The following DAAM1 variants were observed in gnomAD, a reference collection of about 807,000 sequenced individuals.
The protein encoded by DAAM1 is dishevelled associated activator of morphogenesis 1.
DAAM1 carries 52 observed loss-of-function variants against 130.0 expected under a neutral mutation model. The ratio of observed to expected loss-of-function variants is 0.40; its 90% CI spans 0.32 to 0.50. The LOEUF is 0.50. Ranked by LOEUF, DAAM1 falls within the 20% of genes least tolerant of loss-of-function variation. The pLI, the probability that DAAM1 is intolerant of heterozygous loss-of-function variation, is 0.61. For synonymous variants in DAAM1, 452 were observed against 444.5 expected (o/e 1.02, Z -0.21); for missense variants, 1,134 against 1,303.8 (o/e 0.87, Z 2.01).
intron 3 of DAAM1, among the ~76,000 whole-genome samples, chr14:59,303,520 T>C (rs1884259581): frequency 2.0e-5 from 3 of 152,120 alleles, no homozygotes; most frequent in Admixed American, 2.0e-4. Flanking sequence ...GGCATAAAGG[T>C]TTATTTTGAT....
chr14:59,269,881 A>G lies in DAAM1; in HGVS notation c.183+6221A>G, dbSNP rs553231038. 5.3e-5 allele frequency among the ~76,000 whole-genome samples: 8 copies of G among 152,230 alleles called. No individual in the cohort carries two copies. In the South Asian group the frequency reaches 1.7e-3, roughly 32 times the overall value. ...GAAAGAAGTTCAGTTTAGATGACGC[A>G]TAAAAAAACAGGAAGCTAGAGGGAT... On this transcript the variant is annotated intron_variant, in intron 2 of 24. Transcript: ENST00000360909.
intron 1 of DAAM1, among the ~76,000 whole-genome samples, chr14:59,223,507 C>T (rs912368895): frequency 6.6e-6 from 1 of 152,118 alleles, no homozygotes; most frequent in Admixed American, 6.5e-5. Context: ...TAAATGGCAT[C>T]TATGTCTGCC....
At chr14:59,314,585 G>A (rs1884715150) in intron 3 of DAAM1, among the ~76,000 whole-genome samples, 2 of 151,920 alleles carry the variant, frequency 1.3e-5, no homozygotes, top group South Asian at 4.1e-4. Flanking sequence ...TGCTCTGTAA[G>A]AGGCAAGGCT....
At chr14:59,285,801 T>C (rs1280483487) in intron 2 of DAAM1, among the ~76,000 whole-genome samples, 1 of 152,086 alleles carries the variant, frequency 6.6e-6, no homozygotes, top group African/African-American at 2.4e-5. Flanking sequence ...ACAAGAGATT[T>C]AGAGAACCAA....
At chr14:59,289,186 AT>A (rs1372380923) in intron 2 of DAAM1, among the ~76,000 whole-genome samples, 1 of 152,060 alleles carries the variant, frequency 6.6e-6, no homozygotes, top group Non-Finnish European at 1.5e-5. Flanking sequence ...AAGTGCTGGG[AT>A]TACAGGCATG....
rs1463951667 is a variant in DAAM1 at position 59,258,448 on chromosome 14, A to G, written c.-37-4993A>G. On this transcript the variant is annotated intron_variant, in intron 1 of 24. Coordinates refer to ENST00000360909, the MANE Select transcript of DAAM1 (RefSeq NM_001270520.2). ...CCTCCTTCCATCTTAAGTCTCACCT[A>G]TGAAATGGGGGTGATGAAATGAAGT... is the stretch of plus-strand genomic sequence containing the variant. Among the ~76,000 whole-genome samples, 7 of 152,182 alleles carry G rather than the reference A, an allele frequency of 4.6e-5. No individual in the cohort carries two copies. The East Asian group carries it at 1.3e-3, about 29-fold the overall frequency.
intron 15 of DAAM1, among the ~76,000 whole-genome samples, chr14:59,333,679 T>C (rs1268893516): frequency 1.3e-5 from 2 of 152,184 alleles, no homozygotes; most frequent in Non-Finnish European, 2.9e-5. Context: ...TTTGAGAACG[T>C]AGAGAAGTAA....
chr14:59,352,023 C>A (rs1374958348), intron 17 of DAAM1, among the ~76,000 whole-genome samples: 1 of 151,970 alleles, frequency 6.6e-6, no homozygotes, highest in East Asian at 1.9e-4. Flanking sequence ...ATTAGATAAA[C>A]CAGAAAAATA....
In DAAM1 at chr14:59,190,080, C is replaced by A. The variant is rs141599613; in HGVS notation, c.-38+1312C>A. Reference sequence around the variant, plus strand: ...ATCTTAGCCGCTGCCACTGCTGTTTCGATTCGATGTGGCTCTGCGGGCAGC... The same window carrying A: ...ATCTTAGCCGCTGCCACTGCTGTTTAGATTCGATGTGGCTCTGCGGGCAGC... On this transcript the variant is annotated intron_variant, in intron 1 of 24. Transcript: ENST00000360909. Among the ~76,000 whole-genome samples, 413 of 152,238 alleles carry A rather than the reference C, an allele frequency of 2.7e-3. 2 individuals carry two copies. The highest frequency in any genetic ancestry group is 9.5e-3 in the African/African-American group (394 of 41,564).
chr14:59,295,541 A>G (rs1883923746), intron 3 of DAAM1, among the ~76,000 whole-genome samples: 2 of 152,176 alleles, frequency 1.3e-5, no homozygotes, highest in African/African-American at 2.4e-5. Context: ...TTAAAGTTGT[A>G]TTGTGTGTGG....
intron 8 of DAAM1, among the ~76,000 whole-genome samples, chr14:59,324,921 A>G (rs779244815): frequency 3.3e-5 from 5 of 152,164 alleles, no homozygotes; most frequent in Non-Finnish European, 5.9e-5. Flanking sequence ...ATCGTTTGCT[A>G]TCATTTCACT....
In DAAM1 at chr14:59,213,674, G is replaced by A. The variant is rs147601232; in HGVS notation, c.-38+24906G>A. On this transcript the variant is annotated intron_variant, in intron 1 of 24. Transcript: ENST00000360909. ...TTAAATAAAGGGTTGCAGGGTATACGTATATGTAAATGCTTGTCTTGCCTA... is the reference window on the plus strand; with the variant it reads ...TTAAATAAAGGGTTGCAGGGTATACATATATGTAAATGCTTGTCTTGCCTA... Among the ~76,000 whole-genome samples, 489 of 152,306 alleles carry A rather than the reference G, an allele frequency of 3.2e-3. 6 individuals are homozygous for A. Among genetic ancestry groups the A allele is most frequent in the African/African-American group, 0.011 (451 of 41,562 alleles).
chr14:59,368,525 G>C lies in DAAM1; in HGVS notation c.2998-125G>C. 3.2e-6 allele frequency: 3 copies of C among 950,154 alleles called. No homozygotes were observed. The South Asian group carries it at 5.4e-5, about 17-fold the overall frequency. 58.9% of individuals were successfully genotyped at this position (950,154 alleles called of 1,614,324 possible). A position where few individuals can be genotyped will look rare whatever the true frequency, so the allele number is the denominator to read the frequency against. On this transcript the variant is annotated intron_variant, in intron 24 of 24. Transcript: ENST00000360909. ...TCCCCCTTTCTTGTGATATCCAAAG[G>C]GGGTTATAGGATGAGCATAGCTTGG...
At chr14:59,276,176 A>C (rs1882959756) in intron 2 of DAAM1, among the ~76,000 whole-genome samples, 1 of 152,232 alleles carries the variant, frequency 6.6e-6, no homozygotes, top group Non-Finnish European at 1.5e-5. Context: ...CTTCTTTGGC[A>C]ATTCATGATT....
intron 2 of DAAM1, among the ~76,000 whole-genome samples, chr14:59,281,675 AGATT>A (rs1883227265): frequency 1.3e-5 from 2 of 152,148 alleles, no homozygotes; most frequent in African/African-American, 4.8e-5. Flanking sequence ...CTTCCTAACT[AGATT>A]ATAAATTCCT....
At chr14:59,226,047 C>T (rs908050786) in intron 1 of DAAM1, among the ~76,000 whole-genome samples, 3 of 152,010 alleles carry the variant, frequency 2.0e-5, no homozygotes, top group Non-Finnish European at 2.9e-5. Flanking sequence ...GTTTCAGTTG[C>T]CTGATGATAA....
chr14:59,331,487 C>A lies in DAAM1; in HGVS notation c.1839C>A (p.Phe613Leu), dbSNP rs1423121177. Residue 613 changes from phenylalanine to leucine, a missense_variant, in exon 14 of 25, where the codon TTC becomes TTA. This residue lies in a region of DAAM1 where 644 missense variants were observed against 695.9 expected (regional missense o/e 0.93). Transcript: ENST00000360909. Reference sequence around the variant, plus strand: ...AGCCCACAAATGCCCTGAAATCCTTCAACTGGTCTAAACTGCCCGAGGTGA... The same window carrying A: ...AGCCCACAAATGCCCTGAAATCCTTAAACTGGTCTAAACTGCCCGAGGTGA... ...IPQPTNALKS[F>L]NWSKLPENKL... 6.2e-7 allele frequency: 1 copy of A among 1,607,972 alleles called. No homozygotes were observed. The highest frequency in any genetic ancestry group is 8.5e-7 in the Non-Finnish European group (1 of 1,176,272).
intron 24 of DAAM1, 34 bp downstream of exon 24, chr14:59,367,633 C>A: frequency 6.3e-7 from 1 of 1,597,096 alleles, no homozygotes; most frequent in African/African-American, 1.4e-5. Context: ...ATTCCACCTC[C>A]TAGAAGTTCT....
At chr14:59,227,953 G>A (rs781022576) in intron 1 of DAAM1, among the ~76,000 whole-genome samples, 14 of 152,158 alleles carry the variant, frequency 9.2e-5, no homozygotes, top group Non-Finnish European at 1.9e-4. Context: ...CACCGAAACA[G>A]TTGAGGCAGG....
Sources: allele counts gnomAD v4.1 joint callset (sites outside exome capture counted in the v4.1 genomes callset), GRCh38; gene constraint gnomAD v4.1.1; regional missense constraint gnomAD v4.1.1; transcripts MANE v1.5; gene names NCBI Gene and HGNC (gene_info 2026-07-23, HGNC 2026-07-21).